Variants in PLCE1 observed in about 807,000 individuals in gnomAD.
PLCE1 encodes the protein 1-phosphatidylinositol 4,5-bisphosphate phosphodiesterase epsilon-1.
A neutral mutation model predicts 242.8 loss-of-function variants in PLCE1; 119 were observed. That is an observed-to-expected ratio of 0.49 (90% confidence interval 0.42 to 0.57). The LOEUF (loss-of-function observed/expected upper bound fraction) is 0.57, where lower values mean the gene tolerates loss of function less well. Among genes scored for constraint, PLCE1 ranks in the 20% least tolerant of loss-of-function variants. The probability of loss-of-function intolerance (pLI) is 0.00; values close to 1 mark genes in which losing one functional copy is unlikely to be tolerated. For synonymous variants in PLCE1, 945 were observed against 1,017.4 expected (o/e 0.93, Z 1.35); for missense variants, 2,441 against 2,788.8 (o/e 0.88, Z 2.81).
At position 94,331,852 on chromosome 10, in the gene PLCE1, A is replaced by G. The variant is rs1447360233; in HGVS notation, c.*3909A>G. On this transcript the variant is annotated 3_prime_UTR_variant, in exon 33 of 33. Coordinates refer to ENST00000371380, the MANE Select transcript of PLCE1 (RefSeq NM_016341.4). ...CCTTTGAAACACATACTGAGTCTCT[A>G]TGATTACCAAGTTATTCTTTTTTTT... 1 of 149,244 alleles carries G rather than the reference A, an allele frequency of 6.7e-6. No homozygotes were observed. The highest frequency in any genetic ancestry group is 1.5e-5 in the Non-Finnish European group (1 of 67,726). The allele number at this position is 149,244 out of a possible 1,614,324, so 9.2% of individuals were successfully genotyped here. A position where few individuals can be genotyped will look rare whatever the true frequency, so the allele number is the denominator to read the frequency against.
At chr10:94,259,178 T>G (rs1219326143) in intron 13 of PLCE1, 28 bp downstream of exon 13, 1 of 1,612,436 alleles carries the variant, frequency 6.2e-7, no homozygotes, top group African/African-American at 1.3e-5. Flanking sequence ...GGATTTCCCT[T>G]TGGGATCAAT....
chr10:94,183,212 T>C (rs2048365620), intron 4 of PLCE1, among the ~76,000 whole-genome samples: 1 of 152,236 alleles, frequency 6.6e-6, no homozygotes, highest in African/African-American at 2.4e-5. Context: ...ATTTATGCTT[T>C]ACTGAGGATC....
chr10:94,225,175 A>G (rs1325112200), intron 4 of PLCE1: 4 of 151,218 alleles, frequency 2.6e-5, no homozygotes, highest in African/African-American at 9.8e-5. Flanking sequence ...TATCACTAAA[A>G]CTCCCTGTTG....
At chr10:94,314,260 C>T (rs1302682515) in intron 28 of PLCE1, among the ~76,000 whole-genome samples, 1 of 152,180 alleles carries the variant, frequency 6.6e-6, no homozygotes, top group Non-Finnish European at 1.5e-5. Context: ...GGCACAGTGG[C>T]CTAAAATCCT....
intron 1 of PLCE1, among the ~76,000 whole-genome samples, chr10:94,019,730 C>T (rs1289538145): frequency 6.6e-6 from 1 of 152,090 alleles, no homozygotes; most frequent in African/African-American, 2.4e-5. Context: ...GTGGCTAGTG[C>T]CCACAGTATT....
chr10:94,224,247 G>A (rs970682695), intron 4 of PLCE1, among the ~76,000 whole-genome samples: 11 of 152,142 alleles, frequency 7.2e-5, no homozygotes, highest in Non-Finnish European at 1.5e-4. Context: ...ATATGGTATC[G>A]CTGTTTTTTT....
intron 3 of PLCE1, among the ~76,000 whole-genome samples, chr10:94,156,126 A>C (rs1590142117): frequency 6.7e-6 from 1 of 149,212 alleles, no homozygotes; most frequent in South Asian, 2.1e-4. Context: ...CAGAAAAAAA[A>C]ACTGTTTTCC....
chr10:94,117,959 G>A (rs1384531351), intron 2 of PLCE1, among the ~76,000 whole-genome samples: 13 of 152,264 alleles, frequency 8.5e-5, no homozygotes, highest in East Asian at 3.9e-4. Flanking sequence ...AAACACTGTC[G>A]CCTGATTGTT....
intron 28 of PLCE1, among the ~76,000 whole-genome samples, chr10:94,316,199 C>G (rs560651563): frequency 6.6e-6 from 1 of 152,290 alleles, no homozygotes; most frequent in African/African-American, 2.4e-5. Context: ...TTAGTAAATA[C>G]TAAACTAGGT....
chr10:94,047,882 A>G (rs1053779645), intron 2 of PLCE1, among the ~76,000 whole-genome samples: 2 of 152,220 alleles, frequency 1.3e-5, no homozygotes, highest in Middle Eastern at 3.4e-3. Context: ...GTGTTATTGC[A>G]TCTACATGTA....
intron 2 of PLCE1, among the ~76,000 whole-genome samples, chr10:94,057,310 A>T (rs1285404924): frequency 6.6e-6 from 1 of 152,094 alleles, no homozygotes. Context: ...TTATTTATAT[A>T]TGTCTTAAAT....
At chr10:94,137,683 A>C (rs1287430119) in intron 3 of PLCE1, 1 of 164,864 alleles carries the variant, frequency 6.1e-6, no homozygotes, top group Non-Finnish European at 1.3e-5. Flanking sequence ...AATAGAGTGG[A>C]GGGAAGATGG....
chr10:94,273,780 A>G, intron 19 of PLCE1, 60 bp downstream of exon 19: 1 of 1,447,826 alleles, frequency 6.9e-7, no homozygotes, highest in Non-Finnish European at 9.7e-7. Context: ...AAGAAAAATA[A>G]CATCATTCTA....
chr10:94,172,049 C>T (rs1206051086), intron 4 of PLCE1, among the ~76,000 whole-genome samples: 1 of 152,182 alleles, frequency 6.6e-6, no homozygotes, highest in Non-Finnish European at 1.5e-5. Flanking sequence ...AATATCAATC[C>T]AAAGCCTCTG....
At chr10:94,314,571 G>A (rs973295865) in intron 28 of PLCE1, among the ~76,000 whole-genome samples, 12 of 151,592 alleles carry the variant, frequency 7.9e-5, no homozygotes, top group Non-Finnish European at 1.5e-4. Flanking sequence ...TCCAGCCTGG[G>A]TGACAGAGTG....
In PLCE1 at chr10:94,227,348, A is replaced by G. The variant is rs200180170; in HGVS notation, c.1852A>G (p.Met618Val). 4.6e-4 allele frequency: 735 copies of G among 1,613,850 alleles called. No homozygotes were observed. The highest frequency in any genetic ancestry group is 6.2e-4 in the Admixed American group (37 of 59,986). The change falls in exon 5 of 33, where the codon ATG becomes GTG. Residue 618 changes from methionine to valine, a missense_variant. Met to Val is a conservative substitution (Grantham distance 21). Transcript: ENST00000371380. Reference protein sequence around the residue: ...VTWLILTAGSMEEKREVFSYL... With the variant: ...VTWLILTAGSVEEKREVFSYL... ...ATGGCTGATCCTCACGGCAGGCTCC[A>G]TGGAGGAGAAGCGAGAAGTCTTTTC... is the stretch of plus-strand genomic sequence containing the variant.
intron 14 of PLCE1, among the ~76,000 whole-genome samples, chr10:94,263,108 G>A (rs2051368905): frequency 6.6e-6 from 1 of 152,078 alleles, no homozygotes; most frequent in Non-Finnish European, 1.5e-5. Flanking sequence ...TTGACCTCGT[G>A]ATCTGCCCAC....
chr10:94,317,419 A>T (rs2053613992), intron 29 of PLCE1, among the ~76,000 whole-genome samples: 1 of 152,184 alleles, frequency 6.6e-6, no homozygotes, highest in Non-Finnish European at 1.5e-5. Flanking sequence ...CATCGTTGTG[A>T]GGGTCACATT....
intron 27 of PLCE1, among the ~76,000 whole-genome samples, chr10:94,310,618 A>G (rs3781264): frequency 0.25 from 38,062 of 152,038 alleles, 4,873 homozygotes; most frequent in Middle Eastern, 0.42. Flanking sequence ...AAGAGCAGGA[A>G]TCACATGCTT....
Sources: allele counts gnomAD v4.1 joint callset (sites outside exome capture counted in the v4.1 genomes callset), GRCh38; gene constraint gnomAD v4.1.1; transcripts MANE v1.5; gene names NCBI Gene and HGNC (gene_info 2026-07-23, HGNC 2026-07-21).